The following RAD9B variants were observed in gnomAD, a reference collection of about 807,000 sequenced individuals.
RAD9B encodes the protein cell cycle checkpoint control protein RAD9B.
Under a neutral mutation model 48.3 loss-of-function variants are expected in RAD9B, and 41 were observed. The ratio of observed to expected loss-of-function variants is 0.85; its 90% confidence interval spans 0.66 to 1.10. The LOEUF (loss-of-function observed/expected upper bound fraction) is 1.10. RAD9B is among the 50% of genes least tolerant of loss of function. RAD9B has a pLI of 0.00. For missense variants in RAD9B, 444 were observed against 485.1 expected (o/e 0.92, Z 0.80); for synonymous variants, 160 against 157.9 (o/e 1.01, Z -0.10).
chr12:110,530,782 A>C lies in RAD9B; in HGVS notation c.*129A>C. 1 of 1,488,838 alleles carries C rather than the reference A, an allele frequency of 6.7e-7. No homozygotes were observed. Among genetic ancestry groups the C allele is most frequent in the Non-Finnish European group, 8.9e-7 (1 of 1,124,594 alleles). 92.2% of individuals were successfully genotyped at this position (1,488,838 alleles called of 1,614,324 possible). A position where few individuals can be genotyped will look rare whatever the true frequency, so the allele number is the denominator to read the frequency against. On this transcript the variant is annotated 3_prime_UTR_variant, in exon 11 of 11. Coordinates refer to ENST00000409300, the MANE Select transcript of RAD9B (RefSeq NM_001286535.2). The stretch of plus-strand genomic sequence containing the variant: ...CCTTTTAATGGAGGATGGGCTTTTA[A>C]ACCACATCATCTTGTACAACAACCA...
rs7970622 is a variant in RAD9B at position 110,506,434 on chromosome 12, C to T, written c.274-145C>T. ...CGATCTCCTGACCTCGTGATCCGCCCGCCTCGGCCTCCCAAAGTGCTGGGA... is the reference window on the plus strand; with the variant it reads ...CGATCTCCTGACCTCGTGATCCGCCTGCCTCGGCCTCCCAAAGTGCTGGGA... On this transcript the variant is annotated intron_variant, in intron 3 of 10. Coordinates refer to ENST00000409300, the MANE Select transcript of RAD9B (RefSeq NM_001286535.2). The T allele has an allele frequency of 7.3e-3, 3,520 of 483,834 alleles. 118 individuals are homozygous for T. The highest frequency in any genetic ancestry group is 0.064 in the African/African-American group (3,082 of 48,382). 30.0% of individuals were successfully genotyped at this position (483,834 alleles called of 1,614,324 possible). A position where few individuals can be genotyped will look rare whatever the true frequency, so the allele number is the denominator to read the frequency against.
chr12:110,523,513 A>G (rs916386243), intron 10 of RAD9B, among the ~76,000 whole-genome samples: 4 of 152,188 alleles, frequency 2.6e-5, no homozygotes, highest in African/African-American at 9.7e-5. Context: ...GTTTGATACC[A>G]TAGGTGTTTA....
In RAD9B at chr12:110,505,752, A is replaced by G. The variant is rs1295672762; in HGVS notation, c.253A>G (p.Lys85Glu). The part of the protein sequence containing the change: ...ENELDTTLHL[K>E]CKLGMKSILP... ...TGAACTTGACACAACACTGCATTTAAAATGCAAATTGGGAATGAAGGTAAA... is the reference window on the plus strand; with the variant it reads ...TGAACTTGACACAACACTGCATTTAGAATGCAAATTGGGAATGAAGGTAAA... Residue 85 changes from lysine (K) to glutamate (E), a missense_variant, in exon 3 of 11, where the codon AAA becomes GAA. By Grantham distance (56) the Lys-to-Glu change is moderately conservative. Coordinates refer to ENST00000409300, the MANE Select transcript of RAD9B (RefSeq NM_001286535.2). The G allele has an allele frequency of 1.9e-6, 3 of 1,612,076 alleles. No homozygotes were observed. The highest frequency in any genetic ancestry group is 2.5e-6 in the Non-Finnish European group (3 of 1,179,120).
At chr12:110,514,718 C>T (rs1434982904) in intron 5 of RAD9B, among the ~76,000 whole-genome samples, 2 of 152,248 alleles carry the variant, frequency 1.3e-5, no homozygotes, top group East Asian at 3.9e-4. Flanking sequence ...TCTCCCTTTA[C>T]AGTATGATCT....
chr12:110,519,061 T>A, intron 8 of RAD9B, 123 bp downstream of exon 8: 1 of 658,018 alleles, frequency 1.5e-6, no homozygotes, highest in Non-Finnish European at 2.5e-6. Flanking sequence ...TTAATACTTA[T>A]CAAACTAAAA....
intron 4 of RAD9B, among the ~76,000 whole-genome samples, chr12:110,512,547 G>GA (rs745581286): frequency 5.9e-5 from 9 of 152,170 alleles, no homozygotes; most frequent in Non-Finnish European, 1.2e-4. Context: ...TATTTCAAAG[G>GA]AGTCTGGGAA....
intron 6 of RAD9B, among the ~76,000 whole-genome samples, chr12:110,515,359 T>G (rs2063575006): frequency 1.3e-5 from 2 of 152,084 alleles, no homozygotes; most frequent in African/African-American, 4.8e-5. Flanking sequence ...ATTCAGGGTG[T>G]TTTAAAACTA....
chr12:110,531,141 C>T lies in RAD9B; in HGVS notation c.*488C>T, dbSNP rs2064124916. 6 of 995,122 alleles carry T rather than the reference C, an allele frequency of 6.0e-6. No individual in the cohort carries two copies. The South Asian group carries it at 1.7e-4, about 29-fold the overall frequency. The allele number at this position is 995,122 out of a possible 1,614,324, so 61.6% of individuals were successfully genotyped here. On this transcript the variant is annotated 3_prime_UTR_variant, in exon 11 of 11. Coordinates refer to ENST00000409300, the MANE Select transcript of RAD9B (RefSeq NM_001286535.2). ...GTGCATTGTTTTTTATATTTTAAGA[C>T]TTTAAGTAGAATAAACCCTGGAAAA...
intron 9 of RAD9B, among the ~76,000 whole-genome samples, 182 bp from the exon 10 acceptor site, chr12:110,521,991 TTGTC>T (rs556560477): frequency 3.7e-4 from 56 of 152,300 alleles, no homozygotes; most frequent in African/African-American, 1.2e-3. Flanking sequence ...TACTGAAAGA[TTGTC>T]TGTCAAGAGA....
Position 110,512,845 on chromosome 12 carries a change from A to C in RAD9B, c.455A>C (p.Asn152Thr). ...CCTTTGCAAGTTATTTTTGACAAGA[A>C]TGTTTGTACTAATACGCTAATGATT... ...SQPLQVIFDK[N>T]VCTNTLMIQP... The change falls in exon 5 of 11, where the codon AAT (asparagine) becomes ACT (threonine). Residue 152 changes from asparagine (N) to threonine (T), a missense_variant. Transcript: ENST00000409300. 6.4e-7 allele frequency: 1 copy of C among 1,554,212 alleles called. No homozygotes were observed. Among genetic ancestry groups the C allele is most frequent in the Non-Finnish European group, 8.8e-7 (1 of 1,135,278 alleles).
At chr12:110,520,219 T>C (rs1285507758) in intron 9 of RAD9B, among the ~76,000 whole-genome samples, 1 of 152,188 alleles carries the variant, frequency 6.6e-6, no homozygotes, top group Non-Finnish European at 1.5e-5. Flanking sequence ...GTTGTTGTTA[T>C]TGTTTTAGAC....
At chr12:110,512,908 C>A in intron 5 of RAD9B, 30 bp downstream of exon 5, 1 of 1,039,560 alleles carries the variant, frequency 9.6e-7, no homozygotes, top group Non-Finnish European at 1.5e-6. Flanking sequence ...CAGTTTTTTT[C>A]ACCTGAATAC....
chr12:110,529,286 G>A (rs150554824), intron 10 of RAD9B, among the ~76,000 whole-genome samples: 20,546 of 151,968 alleles, frequency 0.14, 1,979 homozygotes, highest in African/African-American at 0.27. Context: ...TGGGATTACA[G>A]GTGCCCGCCA....
intron 7 of RAD9B, 41 bp downstream of exon 7, chr12:110,518,823 CTG>C (rs754423811): frequency 2.0e-5 from 32 of 1,572,622 alleles, no homozygotes; most frequent in South Asian, 1.3e-4. Context: ...CAAATTTTCA[CTG>C]TAAGTTTTTA....
At chr12:110,508,755 A>G (rs1253223260) in intron 4 of RAD9B, among the ~76,000 whole-genome samples, 1 of 151,564 alleles carries the variant, frequency 6.6e-6, no homozygotes, top group Non-Finnish European at 1.5e-5. Flanking sequence ...AGCCACCGCC[A>G]TGGTTTGATC....
rs537535065 is a variant in RAD9B, at chr12:110,528,465, C to T, written c.1126-2060C>T. 9.9e-5 allele frequency among the ~76,000 whole-genome samples: 15 copies of T among 151,970 alleles called. No individual in the cohort carries two copies. In the East Asian group the frequency reaches 1.9e-3, roughly 20 times the overall value. Reference sequence around the variant, plus strand: ...ACCCGCAGTGCCGCCCACCATCTTCCTCCCTGCAGGACAGCTCTACACCAA... The same window carrying T: ...ACCCGCAGTGCCGCCCACCATCTTCTTCCCTGCAGGACAGCTCTACACCAA... On this transcript the variant is annotated intron_variant, in intron 10 of 10. Transcript: ENST00000409300.
intron 6 of RAD9B, among the ~76,000 whole-genome samples, chr12:110,518,195 G>GAA (rs201639460): frequency 1.5e-4 from 20 of 136,640 alleles, no homozygotes; most frequent in South Asian, 2.3e-4. Context: ...CGTCTCAAAA[G>GAA]AAAAAAAAAA....
intron 4 of RAD9B, chr12:110,511,637 G>A (rs1487879334): frequency 4.0e-6 from 1 of 250,876 alleles, no homozygotes; most frequent in African/African-American, 2.3e-5. Context: ...TAGGTAGAAG[G>A]AATAAGTTCT....
At chr12:110,526,665 T>C (rs866442788) in intron 10 of RAD9B, among the ~76,000 whole-genome samples, 1 of 151,996 alleles carries the variant, frequency 6.6e-6, no homozygotes, top group Non-Finnish European at 1.5e-5. Flanking sequence ...ATCCCAGCAC[T>C]TTGGGAGACC....
Sources: gnomAD v4.1 joint callset for allele counts (sites outside exome capture counted in the v4.1 genomes callset) on GRCh38, gnomAD v4.1.1 for gene constraint, MANE v1.5 for transcripts, NCBI Gene and HGNC (gene_info 2026-07-23, HGNC 2026-07-21) for gene names.